SLC4A10: variants seen among roughly 807,000 people sequenced by gnomAD.
SLC4A10 encodes the protein sodium-driven chloride bicarbonate exchanger.
A neutral mutation model predicts 137.7 loss-of-function variants in SLC4A10; 42 were observed. The observed-to-expected ratio is 0.30, with a 90% confidence interval of 0.24 to 0.39. SLC4A10 has a LOEUF of 0.39. Among genes scored for constraint, SLC4A10 ranks in the 10% least tolerant of loss-of-function variants. SLC4A10 has a pLI of 1.00. For missense variants in SLC4A10, 925 were observed against 1,355.0 expected (o/e 0.68, Z 4.98); for synonymous variants, 474 against 464.1 (o/e 1.02, Z -0.27).
chr2:161,847,530 C>T (rs564181032), intron 4 of SLC4A10, among the ~76,000 whole-genome samples: 26 of 152,134 alleles, frequency 1.7e-4, no homozygotes, highest in Admixed American at 1.6e-3. Flanking sequence ...TTTCGATCAT[C>T]CCACTCTCCA....
intron 26 of SLC4A10, among the ~76,000 whole-genome samples, chr2:161,978,183 G>A (rs754795674): frequency 2.6e-5 from 4 of 151,890 alleles, no homozygotes; most frequent in Non-Finnish European, 5.9e-5. Context: ...TCAGGAGTTC[G>A]AGACAAGCTT....
At chr2:161,966,876 TA>T in intron 23 of SLC4A10, among the ~76,000 whole-genome samples, 1 of 152,296 alleles carries the variant, frequency 6.6e-6, no homozygotes. Flanking sequence ...TAAATTTAAA[TA>T]AAACGGACAC....
intron 26 of SLC4A10, 75 bp from the exon 27 acceptor site, chr2:161,983,104 A>G: frequency 7.2e-7 from 1 of 1,380,704 alleles, no homozygotes; most frequent in Non-Finnish European, 9.9e-7. Context: ...GACGGGTTTT[A>G]TGTCTGAGCA....
intron 1 of SLC4A10, among the ~76,000 whole-genome samples, chr2:161,673,478 G>C (rs1214458334): frequency 1.3e-5 from 2 of 152,100 alleles, no homozygotes; most frequent in South Asian, 2.1e-4. Context: ...AAGAATAAAT[G>C]CTTTTTCAAA....
chr2:161,720,102 T>C (rs932059616), intron 1 of SLC4A10, among the ~76,000 whole-genome samples: 3 of 152,110 alleles, frequency 2.0e-5, no homozygotes, highest in African/African-American at 7.3e-5. Context: ...CAGTTTCAAC[T>C]TTCTACATAT....
chr2:161,697,025 G>A (rs183808507), intron 1 of SLC4A10, among the ~76,000 whole-genome samples: 1 of 152,174 alleles, frequency 6.6e-6, no homozygotes, highest in Non-Finnish European at 1.5e-5. Flanking sequence ...GTATCTCACT[G>A]TGGTTTTGAT....
intron 25 of SLC4A10, chr2:161,977,447 A>T (rs987635367): frequency 2.4e-5 from 11 of 464,914 alleles, no homozygotes; most frequent in African/African-American, 2.0e-4. Flanking sequence ...TTTTAAGTGC[A>T]TGCTGGAGGA....
chr2:161,855,205 T>C, intron 5 of SLC4A10, 75 bp downstream of exon 5: 1 of 1,400,306 alleles, frequency 7.1e-7, no homozygotes, highest in South Asian at 1.5e-5. Flanking sequence ...TATAATTCAA[T>C]ATACGTATGA....
chr2:161,979,866 T>C (rs893277402), intron 26 of SLC4A10, among the ~76,000 whole-genome samples: 16 of 152,224 alleles, frequency 1.1e-4, no homozygotes, highest in African/African-American at 7.2e-5. Flanking sequence ...GAAACCCTTT[T>C]TTCATGGAAT....
In SLC4A10 at chr2:161,737,257, G is replaced by A. The variant is rs552631158; in HGVS notation, c.49-33716G>A. Among the ~76,000 whole-genome samples the A allele has an allele frequency of 1.1e-3, 174 of 152,238 alleles. 1 individual carries two copies. The highest frequency in any genetic ancestry group is 2.9e-3 in the South Asian group (14 of 4,826). ...CTTTGAACACTGATTTAGTTTAATA[G>A]GTGGTCTTTTTAACTTAGTTTTTGC... On this transcript the variant is annotated intron_variant, in intron 1 of 26. Transcript: ENST00000446997.
chr2:161,905,609 C>G (rs369159887), intron 14 of SLC4A10, 33 bp from the exon 15 acceptor site: 2 of 1,546,474 alleles, frequency 1.3e-6, no homozygotes, highest in Non-Finnish European at 1.7e-6. Flanking sequence ...AAATGACCTT[C>G]TTTTCACTGT....
rs1011610753 is a variant in SLC4A10 at position 161,788,919 on chromosome 2, C to G, written c.131-15530C>G. ...TCATCAGGAAAAGCCTCTGCTGCAT[C>G]CACAACAGTGCCTGCACTGAGGGCT... On this transcript the variant is annotated intron_variant, in intron 2 of 26. Coordinates refer to ENST00000446997, the MANE Select transcript of SLC4A10 (RefSeq NM_001178015.2). Among the ~76,000 whole-genome samples, 10 of 152,320 alleles carry G rather than the reference C, an allele frequency of 6.6e-5. No individual in the cohort carries two copies. The South Asian group carries it at 2.1e-3, about 32-fold the overall frequency.
At chr2:161,782,510 C>T (rs771615140) in intron 2 of SLC4A10, among the ~76,000 whole-genome samples, 5 of 151,220 alleles carry the variant, frequency 3.3e-5, no homozygotes, top group Non-Finnish European at 7.4e-5. Flanking sequence ...AGAAAAATCT[C>T]CAGAAATTGA....
Position 161,939,863 on chromosome 2 carries a change from G to A in SLC4A10, c.1998-2929G>A, listed in dbSNP as rs1342237690. Among the ~76,000 whole-genome samples the A allele has an allele frequency of 1.7e-4, 26 of 152,024 alleles. 1 individual carries two copies. The highest frequency in any genetic ancestry group is 1.7e-3 in the Admixed American group (26 of 15,266). On this transcript the variant is annotated intron_variant, in intron 15 of 26. Transcript: ENST00000446997. ...TAGAAATCTTTATGTAATTATAACT[G>A]TGTAAGTATTATTTACTGTAGAACC...
chr2:161,873,010 G>A (rs943331763), intron 7 of SLC4A10, among the ~76,000 whole-genome samples: 2 of 152,072 alleles, frequency 1.3e-5, no homozygotes, highest in African/African-American at 2.4e-5. Flanking sequence ...CACCCCGCCC[G>A]GCCAAGTTTA....
At chr2:161,807,872 G>A (rs1210490566) in intron 3 of SLC4A10, among the ~76,000 whole-genome samples, 3 of 151,874 alleles carry the variant, frequency 2.0e-5, no homozygotes, top group African/African-American at 4.8e-5. Context: ...GTTCACATTC[G>A]TGAAAAATAA....
intron 19 of SLC4A10, among the ~76,000 whole-genome samples, chr2:161,955,617 T>A (rs938006774): frequency 6.6e-6 from 1 of 152,166 alleles, no homozygotes; most frequent in Admixed American, 6.6e-5. Flanking sequence ...TTGGAAAGGA[T>A]GAGCAGAAAG....
chr2:161,945,839 A>G (rs1227928934), intron 16 of SLC4A10, among the ~76,000 whole-genome samples: 1 of 151,984 alleles, frequency 6.6e-6, no homozygotes, highest in African/African-American at 2.4e-5. Context: ...TTTAAATGTC[A>G]TCTATGTTCT....
intron 10 of SLC4A10, among the ~76,000 whole-genome samples, chr2:161,894,068 AAATATAGG>A (rs2063195905): frequency 6.6e-6 from 1 of 152,074 alleles, no homozygotes; most frequent in East Asian, 1.9e-4. Context: ...GGGATCCTCT[AAATATAGG>A]AGTATATGCA....
Sources: gnomAD v4.1 joint callset for allele counts (sites outside exome capture counted in the v4.1 genomes callset) on GRCh38, gnomAD v4.1.1 for gene constraint, MANE v1.5 for transcripts, NCBI Gene and HGNC (gene_info 2026-07-23, HGNC 2026-07-21) for gene names.